Variants in CSTL1 observed in about 807,000 individuals in gnomAD.
CSTL1 encodes cystatin like 1.
CSTL1 carries 14 observed loss-of-function variants against 14.4 expected under a neutral mutation model. The observed-to-expected ratio is 0.97, with a 90% CI of 0.64 to 1.52. The LOEUF (loss-of-function observed/expected upper bound fraction) is 1.52. Among genes scored for constraint, CSTL1 ranks in the 40% most tolerant of loss-of-function variants. The pLI is 0.00. For synonymous variants in CSTL1, 72 were observed against 67.5 expected, an observed-to-expected ratio of 1.07 and a Z score of -0.33; for missense variants, 170 against 168.7, an observed-to-expected ratio of 1.01 and a Z score of -0.04.
At chr20:23,454,477 G>GCA in the CSTL1 span, among the ~76,000 whole-genome samples, 2 of 151,766 alleles carry the variant, frequency 1.3e-5, no homozygotes, top group Non-Finnish European at 2.9e-5. Flanking sequence ...ATACATACCT[G>GCA]CACACACACA....
chr20:23,445,622 C>T (rs1986951250), downstream of CSTL1, among the ~76,000 whole-genome samples: 1 of 152,180 alleles, frequency 6.6e-6, no homozygotes, highest in Non-Finnish European at 1.5e-5. Context: ...CTTTCTACGC[C>T]ACCCCACATC....
At chr20:23,452,244 T>C in the CSTL1 span, among the ~76,000 whole-genome samples, 1 of 152,190 alleles carries the variant, frequency 6.6e-6, no homozygotes, top group Non-Finnish European at 1.5e-5. Context: ...TTATTGGCCA[T>C]GTGGTCTCTG....
chr20:23,456,179 C>T, the CSTL1 span, among the ~76,000 whole-genome samples: 1 of 152,312 alleles, frequency 6.6e-6, no homozygotes. Context: ...TCCTACTGTT[C>T]CTTTGCATGG....
downstream of CSTL1, among the ~76,000 whole-genome samples, chr20:23,449,065 T>A (rs1987021195): frequency 6.6e-6 from 1 of 152,196 alleles, no homozygotes; most frequent in Non-Finnish European, 1.5e-5. Context: ...AAATAAATTA[T>A]TTGTTCTTTC....
the CSTL1 span, among the ~76,000 whole-genome samples, chr20:23,458,112 A>C: frequency 6.6e-6 from 1 of 151,708 alleles, no homozygotes; most frequent in Admixed American, 6.6e-5. Flanking sequence ...TTTATATTCC[A>C]AAAAAAAATC....
rs1986927199 is a variant in CSTL1, at chr20:23,444,709, T to A, written c.331-62T>A. 52 of 1,066,954 alleles carry A rather than the reference T, an allele frequency of 4.9e-5. 2 individuals are homozygous for A. The South Asian group carries it at 6.1e-4, about 13-fold the overall frequency. 66.1% of individuals were successfully genotyped at this position (1,066,954 alleles called of 1,614,324 possible). ...CACAGGGAGAGACCTGGGGAACAGG[T>A]GCCTGTTGCTTGCCTTTGAAAAATA... On this transcript the variant is annotated intron_variant, in intron 3 of 3. Coordinates refer to ENST00000347397, the MANE Select transcript of CSTL1 (RefSeq NM_138283.1).
At chr20:23,455,905 C>G in the CSTL1 span, among the ~76,000 whole-genome samples, 1 of 152,224 alleles carries the variant, frequency 6.6e-6, no homozygotes, top group African/African-American at 2.4e-5. Flanking sequence ...CTCCAGCCCT[C>G]TTGATCTTGT....
chr20:23,450,495 C>A, the CSTL1 span: 3 of 1,604,840 alleles, frequency 1.9e-6, no homozygotes, highest in African/African-American at 4.0e-5. Flanking sequence ...CAGTTGTACA[C>A]TCCAGGACAC....
the CSTL1 span, among the ~76,000 whole-genome samples, chr20:23,458,007 C>G: frequency 3.9e-5 from 6 of 152,300 alleles, no homozygotes; most frequent in South Asian, 1.0e-3. Context: ...GTTCCACACT[C>G]CATCCCCTAT....
chr20:23,458,307 T>C, the CSTL1 span, among the ~76,000 whole-genome samples: 2 of 152,216 alleles, frequency 1.3e-5, no homozygotes, highest in African/African-American at 4.8e-5. Flanking sequence ...TGCTGGAAGA[T>C]GCTATCTGGC....
chr20:23,453,888 A>G, the CSTL1 span, among the ~76,000 whole-genome samples: 1 of 152,156 alleles, frequency 6.6e-6, no homozygotes, highest in South Asian at 2.1e-4. Context: ...GAACACACGG[A>G]CACACAACAC....
At chr20:23,447,845 C>T (rs1428426378), downstream of CSTL1, among the ~76,000 whole-genome samples, 1 of 152,186 alleles carries the variant, frequency 6.6e-6, no homozygotes, top group Non-Finnish European at 1.5e-5. Flanking sequence ...CTATTTTTTG[C>T]TCAAGACTTT....
At chr20:23,451,899 G>C in the CSTL1 span, 5 of 1,613,874 alleles carry the variant, frequency 3.1e-6, no homozygotes, top group Non-Finnish European at 4.2e-6. Context: ...ACATTCAGGT[G>C]ATACTCCAGG....
the CSTL1 span, chr20:23,452,632 A>C: frequency 1.2e-6 from 2 of 1,614,098 alleles, no homozygotes; most frequent in Admixed American, 3.3e-5. Flanking sequence ...GGTACTTGTC[A>C]TCACTTTCCT....
At chr20:23,452,939 C>T in the CSTL1 span, 1 of 649,630 alleles carries the variant, frequency 1.5e-6, no homozygotes, top group Non-Finnish European at 2.7e-6. Context: ...GCTCTCCTCT[C>T]CTCCTCCTCC....
downstream of CSTL1, among the ~76,000 whole-genome samples, chr20:23,448,670 G>T (rs964561300): frequency 1.3e-5 from 2 of 152,192 alleles, no homozygotes; most frequent in African/African-American, 4.8e-5. Context: ...AGATTAATGG[G>T]CATAAATGTT....
At chr20:23,447,080 C>G (rs965745963), downstream of CSTL1, among the ~76,000 whole-genome samples, 1 of 152,206 alleles carries the variant, frequency 6.6e-6, no homozygotes, top group Admixed American at 6.5e-5. Context: ...CCCACATTAT[C>G]CTATTTGATC....
chr20:23,452,964 C>T, the CSTL1 span: 2 of 625,042 alleles, frequency 3.2e-6, no homozygotes, highest in Non-Finnish European at 5.6e-6. Flanking sequence ...TCATCAGCAG[C>T]TGAACTCGAG....
At chr20:23,447,796 G>A (rs149373879), downstream of CSTL1, among the ~76,000 whole-genome samples, 2 of 152,296 alleles carry the variant, frequency 1.3e-5, no homozygotes, top group East Asian at 3.9e-4. Flanking sequence ...ATGCCTAAGA[G>A]TTAGTTGGTA....
Sources: allele counts gnomAD v4.1 joint callset (sites outside exome capture counted in the v4.1 genomes callset), GRCh38; gene constraint gnomAD v4.1.1; transcripts MANE v1.5; gene names NCBI Gene and HGNC (gene_info 2026-07-23, HGNC 2026-07-21).